The following RAPGEF5 variants were observed in gnomAD, a reference collection of about 807,000 sequenced individuals.
RAPGEF5 encodes the protein M-Ras-regulated GEF.
Under a neutral mutation model 125.2 loss-of-function variants are expected in RAPGEF5, and 65 were observed. The ratio of observed to expected loss-of-function variants is 0.52; its 90% CI spans 0.43 to 0.64. RAPGEF5 has a LOEUF of 0.64. Among genes scored for constraint, RAPGEF5 ranks in the 30% least tolerant of loss-of-function variants. RAPGEF5 has a pLI of 0.00. For missense variants in RAPGEF5, 958 were observed against 1,048.1 expected (o/e 0.91, Z 1.19); for synonymous variants, 391 against 385.9 (o/e 1.01, Z -0.16).
chr7:22,131,159 C>A (rs1562704723), intron 23 of RAPGEF5, 58 bp from the exon 24 acceptor site: 1 of 1,477,204 alleles, frequency 6.8e-7, no homozygotes, highest in South Asian at 1.4e-5. Flanking sequence ...TGAGTCAGGG[C>A]TGAAGAGGTC....
intron 4 of RAPGEF5, 105 bp from the exon 5 acceptor site, chr7:22,308,612 G>C (rs1783399291): frequency 1.1e-6 from 1 of 919,824 alleles, no homozygotes. Flanking sequence ...GAGCAATCAG[G>C]GTTAAGACTA....
intron 1 of RAPGEF5, among the ~76,000 whole-genome samples, chr7:22,353,619 C>CA (rs1370747744): frequency 1.3e-5 from 2 of 152,126 alleles, no homozygotes; most frequent in African/African-American, 4.8e-5. Flanking sequence ...CTCTGTTATA[C>CA]AATTAAAAAA....
chr7:22,288,504 A>T (rs1184116533), intron 6 of RAPGEF5, among the ~76,000 whole-genome samples: 1 of 151,052 alleles, frequency 6.6e-6, no homozygotes, highest in Non-Finnish European at 1.5e-5. Context: ...CTGATTTTTT[A>T]AAAATCAATT....
At chr7:22,146,819 C>A in intron 19 of RAPGEF5, 78 bp downstream of exon 19, 2 of 1,474,646 alleles carry the variant, frequency 1.4e-6, no homozygotes, top group African/African-American at 2.8e-5. Flanking sequence ...AATTTCATCA[C>A]CGCACGCATT....
intron 11 of RAPGEF5, among the ~76,000 whole-genome samples, chr7:22,185,775 C>G (rs541597849): frequency 1.8e-4 from 27 of 152,294 alleles, no homozygotes; most frequent in African/African-American, 6.3e-4. Context: ...CTGAGGCACA[C>G]CCAGGGCAGC....
chr7:22,129,478 A>T (rs962854976), intron 24 of RAPGEF5, among the ~76,000 whole-genome samples: 1 of 152,198 alleles, frequency 6.6e-6, no homozygotes, highest in Non-Finnish European at 1.5e-5. Flanking sequence ...ATATTGACCA[A>T]AGGCTTCATA....
intron 11 of RAPGEF5, among the ~76,000 whole-genome samples, chr7:22,171,221 A>G (rs1394595062): frequency 6.6e-6 from 1 of 152,212 alleles, no homozygotes; most frequent in African/African-American, 2.4e-5. Context: ...GAAGACTATT[A>G]GCCGACAATA....
chr7:22,285,161 T>C (rs973155297), intron 6 of RAPGEF5, among the ~76,000 whole-genome samples: 1 of 152,190 alleles, frequency 6.6e-6, no homozygotes, highest in Admixed American at 6.5e-5. Context: ...TCACAGCTGC[T>C]GCCCAGCATC....
chr7:22,160,050 A>G (rs981151061), intron 14 of RAPGEF5, among the ~76,000 whole-genome samples: 1 of 152,188 alleles, frequency 6.6e-6, no homozygotes, highest in African/African-American at 2.4e-5. Flanking sequence ...TGGAGGTTGC[A>G]GTGAGCCGAG....
intron 23 of RAPGEF5, among the ~76,000 whole-genome samples, chr7:22,131,617 C>T (rs1052474078): frequency 1.3e-5 from 2 of 151,924 alleles, no homozygotes; most frequent in African/African-American, 4.8e-5. Context: ...TGATTGTGTA[C>T]CAGGAATAAG....
chr7:22,200,435 G>T (rs1055383906), intron 9 of RAPGEF5, among the ~76,000 whole-genome samples: 1 of 152,170 alleles, frequency 6.6e-6, no homozygotes, highest in Admixed American at 6.5e-5. Flanking sequence ...AAAGGAGCTG[G>T]CCTAACAAAT....
intron 8 of RAPGEF5, among the ~76,000 whole-genome samples, chr7:22,221,455 T>G (rs150110476): frequency 2.0e-5 from 3 of 152,354 alleles, no homozygotes; most frequent in Admixed American, 6.5e-5. Context: ...ATTCTCATTT[T>G]AATATTCTCC....
intron 9 of RAPGEF5, among the ~76,000 whole-genome samples, chr7:22,195,966 T>C (rs1349164349): frequency 2.0e-5 from 3 of 152,204 alleles, no homozygotes. Context: ...GCCATGCACA[T>C]ACATATGGAT....
At position 22,122,468 on chromosome 7, in the gene RAPGEF5, A is replaced by T; in HGVS notation, c.2590T>A (p.Tyr864Asn). 1 of 1,613,958 alleles carries T rather than the reference A, an allele frequency of 6.2e-7. No individual in the cohort carries two copies. The highest frequency in any genetic ancestry group is 8.5e-7 in the Non-Finnish European group (1 of 1,179,864). Residue 864 changes from tyrosine (Y) to asparagine (N), a missense_variant, in exon 26 of 26, where the codon TAT becomes AAT. Transcript: ENST00000665637. The stretch of plus-strand genomic sequence containing the variant: ...AGAGCCTGCTGGCTGTCAATGACAT[A>T]CAGGTGATTAACATAGGACTTTAAC... ...QELKSYVNHL[Y>N]VIDSQQALFE...
intron 11 of RAPGEF5, among the ~76,000 whole-genome samples, chr7:22,168,101 T>C (rs1784228602): frequency 6.6e-6 from 1 of 152,212 alleles, no homozygotes; most frequent in African/African-American, 2.4e-5. Flanking sequence ...GCTTGTGTAC[T>C]GTTGTTATGG....
chr7:22,262,002 T>C (rs1782167362), intron 7 of RAPGEF5, among the ~76,000 whole-genome samples: 1 of 152,146 alleles, frequency 6.6e-6, no homozygotes, highest in Admixed American at 6.5e-5. Context: ...GCTAGGTAAA[T>C]AGTTCTTTGA....
intron 9 of RAPGEF5, among the ~76,000 whole-genome samples, chr7:22,205,013 A>G (rs1785367382): frequency 6.6e-6 from 1 of 152,200 alleles, no homozygotes; most frequent in Non-Finnish European, 1.5e-5. Context: ...CTGGGGGAAC[A>G]AAAAAGGAAT....
intron 7 of RAPGEF5, among the ~76,000 whole-genome samples, chr7:22,236,667 T>C (rs1786197811): frequency 6.6e-6 from 1 of 152,178 alleles, no homozygotes. Context: ...TCACATCTCA[T>C]GTAGGCTGCT....
chr7:22,343,429 G>T (rs1034815845), intron 1 of RAPGEF5, among the ~76,000 whole-genome samples: 2 of 152,122 alleles, frequency 1.3e-5, no homozygotes, highest in African/African-American at 2.4e-5. Context: ...TGTAACAACA[G>T]AAAATTTGAG....
Sources: gnomAD v4.1 joint callset for allele counts (sites outside exome capture counted in the v4.1 genomes callset) on GRCh38, gnomAD v4.1.1 for gene constraint, MANE v1.5 for transcripts, NCBI Gene and HGNC (gene_info 2026-07-23, HGNC 2026-07-21) for gene names.